The following PPFIBP2 variants were observed in gnomAD, a reference collection of about 807,000 sequenced individuals.
The protein encoded by PPFIBP2 is liprin-beta-2.
In PPFIBP2, 118 loss-of-function variants were observed where a neutral mutation model predicts 118.3. The observed-to-expected ratio is 1.00, with a 90% CI of 0.86 to 1.16. PPFIBP2 has a LOEUF of 1.16. Ranked by LOEUF, PPFIBP2 falls within the 50% of genes most tolerant of loss-of-function variation. PPFIBP2 has a pLI of 0.00. For missense variants in PPFIBP2, 1,195 were observed against 1,073.1 expected (o/e 1.11, Z -1.59); for synonymous variants, 414 against 397.4 (o/e 1.04, Z -0.50).
chr11:7,656,759 C>T, downstream of PPFIBP2: 4 of 1,289,858 alleles, frequency 3.1e-6, no homozygotes, highest in Non-Finnish European at 4.0e-6. Flanking sequence ...TGCTGAATGA[C>T]TCTCGCCTGC....
At chr11:7,557,840 A>G (rs1455054332) in intron 2 of PPFIBP2, among the ~76,000 whole-genome samples, 1 of 152,112 alleles carries the variant, frequency 6.6e-6, no homozygotes, top group Admixed American at 6.5e-5. Context: ...AGGTTTTGCT[A>G]TTGCTACTCC....
chr11:7,527,489 T>C (rs575298070), intron 1 of PPFIBP2, among the ~76,000 whole-genome samples: 5 of 152,246 alleles, frequency 3.3e-5, no homozygotes, highest in African/African-American at 1.2e-4. Context: ...TTTCAGCCTC[T>C]AAATAATTTT....
downstream of PPFIBP2, chr11:7,657,257 G>A (rs921512872): frequency 1.0e-4 from 17 of 162,948 alleles, no homozygotes; most frequent in South Asian, 1.8e-3. Context: ...AGGTCCCTCC[G>A]GGGCTGCTTC....
At chr11:7,665,303 C>T in the PPFIBP2 span, 6 of 1,283,522 alleles carry the variant, frequency 4.7e-6, no homozygotes, top group Non-Finnish European at 6.4e-6. Flanking sequence ...TCCCAGTTTA[C>T]CGTGGTGAAA....
chr11:7,527,734 T>G (rs1313160340), intron 1 of PPFIBP2, among the ~76,000 whole-genome samples: 2 of 152,052 alleles, frequency 1.3e-5, no homozygotes, highest in Non-Finnish European at 2.9e-5. Context: ...CCCGTTTCTA[T>G]GGGGCTGAAG....
In PPFIBP2 at chr11:7,639,793, C is replaced by T. The variant is rs199754372; in HGVS notation, c.1298C>T (p.Thr433Met). Residue 433 changes from threonine to methionine, a missense_variant, in exon 15 of 24, where the codon ACG (threonine) becomes ATG (methionine). Physicochemically the swap from Thr to Met is moderately conservative, Grantham distance 81. Coordinates refer to ENST00000299492, the MANE Select transcript of PPFIBP2 (RefSeq NM_003621.5). ...PTLPGKLSGATPNGEAAKSPP... is the reference protein window; with the variant it reads ...PTLPGKLSGAMPNGEAAKSPP... ...TTACCTGGGAAGCTTTCAGGAGCCA[C>T]GCCCAATGGAGAGGCTGCCAAATCT... The T allele has an allele frequency of 1.5e-5, 24 of 1,614,188 alleles. No individual in the cohort carries two copies. The highest frequency in any genetic ancestry group is 3.3e-5 in the South Asian group (3 of 91,078).
Position 7,648,325 on chromosome 11 carries a change from G to C in PPFIBP2, c.1647-62G>C, listed in dbSNP as rs944692565. 15 of 1,516,020 alleles carry C rather than the reference G, an allele frequency of 9.9e-6. No individual in the cohort carries two copies. The African/African-American group carries it at 2.1e-4, about 21-fold the overall frequency. The allele number at this position is 1,516,020 out of a possible 1,614,324, so 93.9% of individuals were successfully genotyped here. A position where few individuals can be genotyped will look rare whatever the true frequency, so the allele number is the denominator to read the frequency against. On this transcript the variant is annotated intron_variant, in intron 17 of 23. Transcript: ENST00000299492. ...TTCTTTTCTTTTGTTTGTGAGACAT[G>C]ATTAGATTCAGAACCTCAGGCTCTC...
At chr11:7,663,072 ACTT>A in the PPFIBP2 span, among the ~76,000 whole-genome samples, 1 of 131,550 alleles carries the variant, frequency 7.6e-6, no homozygotes, top group Non-Finnish European at 1.8e-5. Flanking sequence ...AAAGTTTTCA[ACTT>A]CTTTGCCTTT....
intron 21 of PPFIBP2, 108 bp downstream of exon 21, chr11:7,649,762 T>C (rs1853692808): frequency 1.4e-6 from 2 of 1,478,518 alleles, no homozygotes; most frequent in East Asian, 2.3e-5. Context: ...TTTTGCACCA[T>C]GGTGCCTGGG....
At chr11:7,562,940 TATATATATATATATATATATATA>T (rs1564976376) in intron 2 of PPFIBP2, among the ~76,000 whole-genome samples, 25 of 74,172 alleles carry the variant, frequency 3.4e-4, no homozygotes, top group African/African-American at 1.6e-3. Context: ...TATATATATA[TATATATATATATATATATATATA>T]TATATATATA....
intron 6 of PPFIBP2, among the ~76,000 whole-genome samples, chr11:7,617,488 C>T (rs1848800197): frequency 6.6e-6 from 1 of 152,122 alleles, no homozygotes; most frequent in Non-Finnish European, 1.5e-5. Context: ...TGAGCAGGGT[C>T]TGAGCAGGTG....
chr11:7,533,482 C>G (rs558350248), intron 1 of PPFIBP2, among the ~76,000 whole-genome samples: 23 of 152,308 alleles, frequency 1.5e-4, no homozygotes, highest in African/African-American at 5.3e-4. Context: ...TCCTTGCTCT[C>G]TAGCAGTTAA....
chr11:7,522,911 T>G (rs1390340552), intron 1 of PPFIBP2, among the ~76,000 whole-genome samples: 1 of 152,162 alleles, frequency 6.6e-6, no homozygotes, highest in Non-Finnish European at 1.5e-5. Flanking sequence ...CCATGGGAAG[T>G]TGTATTCCAA....
At chr11:7,524,681 T>C (rs1420714001) in intron 1 of PPFIBP2, among the ~76,000 whole-genome samples, 1 of 150,144 alleles carries the variant, frequency 6.7e-6, no homozygotes, top group African/African-American at 2.5e-5. Flanking sequence ...TCAGGCACAT[T>C]GGGATGTGTG....
At chr11:7,628,472 A>G in intron 9 of PPFIBP2, 126 bp downstream of exon 9, 1 of 901,062 alleles carries the variant, frequency 1.1e-6, no homozygotes, top group South Asian at 1.9e-5. Flanking sequence ...GGGATATGTC[A>G]GGAGAATGAC....
At chr11:7,582,636 C>T (rs1166173339) in intron 3 of PPFIBP2, among the ~76,000 whole-genome samples, 1 of 151,942 alleles carries the variant, frequency 6.6e-6, no homozygotes, top group Non-Finnish European at 1.5e-5. Flanking sequence ...TCCCTTCCTC[C>T]ATAGCAGCTC....
At chr11:7,613,686 C>T (rs1848323512) in intron 6 of PPFIBP2, among the ~76,000 whole-genome samples, 1 of 152,162 alleles carries the variant, frequency 6.6e-6, no homozygotes, top group Non-Finnish European at 1.5e-5. Context: ...CAGATCAAAG[C>T]ATTGCAAAGG....
intron 1 of PPFIBP2, among the ~76,000 whole-genome samples, chr11:7,531,111 C>T (rs940709894): frequency 6.6e-6 from 1 of 152,158 alleles, no homozygotes; most frequent in Non-Finnish European, 1.5e-5. Context: ...TGTCATTCTC[C>T]AGCAGGCCTG....
Position 7,597,205 on chromosome 11 carries a change from G to A in PPFIBP2, c.373-355G>A. 2.0e-6 allele frequency: 3 copies of A among 1,490,066 alleles called. No homozygotes were observed. In the Admixed American group the frequency reaches 6.6e-5, roughly 33 times the overall value. 92.3% of individuals were successfully genotyped at this position (1,490,066 alleles called of 1,614,324 possible). On this transcript the variant is annotated intron_variant, in intron 4 of 23. Transcript: ENST00000299492. ...CACGAGGTTGCAGAAGTGCTGGCAAGCCAGCTGAGATGTGCCTTGAGGTCG... is the reference window on the plus strand; with the variant it reads ...CACGAGGTTGCAGAAGTGCTGGCAAACCAGCTGAGATGTGCCTTGAGGTCG...
Sources: allele counts gnomAD v4.1 joint callset (sites outside exome capture counted in the v4.1 genomes callset), GRCh38; gene constraint gnomAD v4.1.1; transcripts MANE v1.5; gene names NCBI Gene and HGNC (gene_info 2026-07-23, HGNC 2026-07-21).